FERRY3: variants seen among roughly 807,000 people sequenced by gnomAD.
FERRY3 encodes the protein FERRY endosomal RAB5 effector complex subunit 3.
the FERRY3 span, chr12:4,500,311 G>A: frequency 6.2e-7 from 1 of 1,613,986 alleles, no homozygotes; most frequent in Non-Finnish European, 8.5e-7. Context: ...ATTTCTGAGA[G>A]ATTAGAATGC....
chr12:4,504,135 C>T, the FERRY3 span, among the ~76,000 whole-genome samples: 89 of 152,284 alleles, frequency 5.8e-4, 3 homozygotes, highest in East Asian at 0.014. Flanking sequence ...GGCTAACAGA[C>T]GGGGCCTGAC....
chr12:4,489,915 A>G, the FERRY3 span: 1 of 1,454,820 alleles, frequency 6.9e-7, no homozygotes, highest in East Asian at 2.3e-5. Context: ...AGACGAAAAA[A>G]TAATAATTGC....
the FERRY3 span, among the ~76,000 whole-genome samples, chr12:4,512,180 A>G: frequency 7.2e-6 from 1 of 138,178 alleles, no homozygotes; most frequent in Non-Finnish European, 1.5e-5. Flanking sequence ...CTCTCCCAAG[A>G]CTAAACCAGG....
chr12:4,490,690 TCTTGA>T, the FERRY3 span: 2 of 910,774 alleles, frequency 2.2e-6, no homozygotes, highest in South Asian at 3.2e-5. Context: ...GGGCTTCATG[TCTTGA>T]CTTTTTAGGT....
At chr12:4,528,354 T>G in the FERRY3 span, among the ~76,000 whole-genome samples, 1 of 152,168 alleles carries the variant, frequency 6.6e-6, no homozygotes, top group African/African-American at 2.4e-5. Flanking sequence ...AATTCTATAT[T>G]TTGTTCTTCT....
chr12:4,494,227 T>TA, the FERRY3 span, among the ~76,000 whole-genome samples: 5 of 151,682 alleles, frequency 3.3e-5, no homozygotes, highest in African/African-American at 1.2e-4. Flanking sequence ...CTTTATAAAT[T>TA]TAAAAAAAAA....
the FERRY3 span, among the ~76,000 whole-genome samples, chr12:4,508,637 C>A: frequency 2.0e-5 from 3 of 151,864 alleles, no homozygotes; most frequent in Non-Finnish European, 4.4e-5. Context: ...CCCAGCTACT[C>A]AGGAGGCTGA....
the FERRY3 span, among the ~76,000 whole-genome samples, chr12:4,535,198 G>A: frequency 2.0e-5 from 3 of 152,124 alleles, no homozygotes; most frequent in Admixed American, 1.3e-4. The surrounding 1 kb of genome is among the most constrained non-coding windows in gnomAD (Gnocchi z 4.0). Context: ...CTATGTTCGC[G>A]ACTTTAGACT....
At chr12:4,492,225 C>CA in the FERRY3 span, among the ~76,000 whole-genome samples, 1 of 151,732 alleles carries the variant, frequency 6.6e-6, no homozygotes, top group Admixed American at 6.6e-5. Flanking sequence ...TTTTCTAAAA[C>CA]AAAAAAAATT....
At chr12:4,527,589 TGAAATGGATAA>T in the FERRY3 span, among the ~76,000 whole-genome samples, 4,352 of 152,236 alleles carry the variant, frequency 0.029, 182 homozygotes, top group African/African-American at 0.099. Flanking sequence ...CTTCTGCTCA[TGAAATGGATAA>T]ATAAATTAAG....
the FERRY3 span, among the ~76,000 whole-genome samples, chr12:4,517,706 TAGACAGAGAGAGAG>T: frequency 8.0e-5 from 11 of 137,722 alleles, no homozygotes; most frequent in African/African-American, 3.3e-4. Context: ...TATATATATA[TAGACAGAGAGAGAG>T]AGAGAGAGAG....
At chr12:4,529,887 A>G in the FERRY3 span, 6 of 1,577,304 alleles carry the variant, frequency 3.8e-6, no homozygotes, top group Non-Finnish European at 5.1e-6. Context: ...TAATTTTTTC[A>G]GCTCCACATC....
chr12:4,529,329 C>T, the FERRY3 span, among the ~76,000 whole-genome samples: 5,520 of 152,056 alleles, frequency 0.036, 332 homozygotes, highest in African/African-American at 0.12. Flanking sequence ...GGTACTTGAG[C>T]GTACAAAATG....
the FERRY3 span, chr12:4,490,040 T>A: frequency 3.5e-6 from 2 of 573,968 alleles, no homozygotes; most frequent in African/African-American, 3.8e-5. Flanking sequence ...TCATGGCCGA[T>A]GTAACTGCAT....
chr12:4,537,116 C>G, the FERRY3 span, among the ~76,000 whole-genome samples: 1 of 152,190 alleles, frequency 6.6e-6, no homozygotes. Context: ...CACAAATTCA[C>G]AAATTTTATT....
At chr12:4,491,189 TG>T in the FERRY3 span, 3 of 1,613,202 alleles carry the variant, frequency 1.9e-6, no homozygotes, top group African/African-American at 4.0e-5. Context: ...TTGACACACT[TG>T]AACACAAGTT....
At chr12:4,534,086 C>T in the FERRY3 span, 1 of 1,449,508 alleles carries the variant, frequency 6.9e-7, no homozygotes, top group South Asian at 1.4e-5. Context: ...TCAGGATTAC[C>T]ACAGCATTTT....
At chr12:4,503,740 C>T in the FERRY3 span, among the ~76,000 whole-genome samples, 1 of 152,014 alleles carries the variant, frequency 6.6e-6, no homozygotes, top group Non-Finnish European at 1.5e-5. Context: ...ACAAACACTA[C>T]TAAGGGTCAT....
chr12:4,506,770 T>C, the FERRY3 span, among the ~76,000 whole-genome samples: 338 of 152,284 alleles, frequency 2.2e-3, 1 homozygote, highest in African/African-American at 7.8e-3. Flanking sequence ...CTTTTTATCA[T>C]GGACCACAGA....
Sources: allele counts gnomAD v4.1 joint callset (sites outside exome capture counted in the v4.1 genomes callset), GRCh38; gene constraint gnomAD v4.1.1; non-coding constraint Gnocchi (gnomAD v3.1); transcripts MANE v1.5; gene names NCBI Gene and HGNC (gene_info 2026-07-23, HGNC 2026-07-21).